Variants in ACOXL observed in about 807,000 individuals in gnomAD.
ACOXL encodes the protein acyl-coenzyme A oxidase-like protein.
ACOXL carries 70 observed loss-of-function variants against 71.9 expected under a neutral mutation model. That is an observed-to-expected ratio of 0.97 (90% CI 0.80 to 1.19). ACOXL has a LOEUF of 1.19. Among genes scored for constraint, ACOXL ranks in the 50% most tolerant of loss-of-function variants. The pLI is 0.00. For missense variants in ACOXL, 703 were observed against 736.3 expected (o/e 0.95, Z 0.52); for synonymous variants, 253 against 281.6 (o/e 0.90, Z 1.02).
intron 17 of ACOXL, among the ~76,000 whole-genome samples, chr2:111,098,132 C>G (rs1254154007): frequency 6.6e-6 from 1 of 152,218 alleles, no homozygotes. Context: ...ACACTTCCCT[C>G]TTCCCTGAAA....
Position 111,017,520 on chromosome 2 carries a change from G to A in ACOXL, c.1282-14107G>A, listed in dbSNP as rs539970023. 3.3e-5 allele frequency among the ~76,000 whole-genome samples: 5 copies of A among 152,324 alleles called. 1 individual carries two copies. The South Asian group carries it at 1.0e-3, about 32-fold the overall frequency. ...AAGTGGGGAGCAGTGGCCTTTATTG[G>A]GGAGGAGGCATTTAGAACCAAGCAT... On this transcript the variant is annotated intron_variant, in intron 14 of 17. Transcript: ENST00000439055.
chr2:111,013,408 C>T (rs2064260714), intron 14 of ACOXL, among the ~76,000 whole-genome samples: 1 of 150,976 alleles, frequency 6.6e-6, no homozygotes, highest in South Asian at 2.1e-4. Flanking sequence ...CCTGTAATCC[C>T]ACTGCTTGGG....
intron 5 of ACOXL, 21 bp from the exon 6 acceptor site, chr2:110,798,589 T>G (rs374936805): frequency 1.0e-5 from 16 of 1,592,268 alleles, no homozygotes; most frequent in East Asian, 2.2e-5. Flanking sequence ...GAAACACTGT[T>G]GCTCTGCTTT....
chr2:110,865,518 GA>G (rs1460983163), intron 10 of ACOXL, among the ~76,000 whole-genome samples: 1 of 152,228 alleles, frequency 6.6e-6, no homozygotes, highest in African/African-American at 2.4e-5. Context: ...AAGCCAATGA[GA>G]AGCAGCCAAC....
intron 3 of ACOXL, among the ~76,000 whole-genome samples, chr2:110,792,584 G>A (rs958761809): frequency 6.6e-6 from 1 of 152,120 alleles, no homozygotes; most frequent in Non-Finnish European, 1.5e-5. Context: ...GAGCTCAGTA[G>A]TTTGAGACCA....
At chr2:110,921,703 C>G (rs529599249) in intron 11 of ACOXL, among the ~76,000 whole-genome samples, 163 of 152,202 alleles carry the variant, frequency 1.1e-3, no homozygotes, top group Admixed American at 1.6e-3. Context: ...TTCCACCCCC[C>G]TCTCTTAAGG....
chr2:110,922,219 G>T lies in ACOXL; in HGVS notation c.906-11270G>T, dbSNP rs558280265. On this transcript the variant is annotated intron_variant, in intron 11 of 17. Coordinates refer to ENST00000439055, the MANE Select transcript of ACOXL (RefSeq NM_001142807.4). ...TCAAGTATTTTGAAAGTTTTTTTTGGTTGTTGTTTTGGTGCATACACATGC... is the reference window on the plus strand; with the variant it reads ...TCAAGTATTTTGAAAGTTTTTTTTGTTTGTTGTTTTGGTGCATACACATGC... 1.5e-4 allele frequency among the ~76,000 whole-genome samples: 23 copies of T among 151,866 alleles called. 1 individual carries two copies. The South Asian group carries it at 4.2e-3, about 28-fold the overall frequency.
chr2:110,886,711 C>T, intron 10 of ACOXL: 1 of 1,543,488 alleles, frequency 6.5e-7, no homozygotes. Flanking sequence ...AAGTTTCACC[C>T]TTTGACTGGA....
intron 15 of ACOXL, among the ~76,000 whole-genome samples, chr2:111,042,601 GT>G (rs2065836487): frequency 6.6e-6 from 1 of 152,214 alleles, no homozygotes; most frequent in African/African-American, 2.4e-5. Context: ...GGAGGAAGGT[GT>G]TTGGGAGAAA....
At chr2:111,074,481 A>AT (rs1423049932) in intron 16 of ACOXL, among the ~76,000 whole-genome samples, 19 of 152,072 alleles carry the variant, frequency 1.2e-4, no homozygotes, top group South Asian at 4.2e-4. Context: ...TTCCTAAGAG[A>AT]TTTTTTTAAA....
chr2:111,024,047 T>C (rs1258325750), intron 14 of ACOXL, among the ~76,000 whole-genome samples: 1 of 151,724 alleles, frequency 6.6e-6, no homozygotes, highest in Non-Finnish European at 1.5e-5. Context: ...GGAGGCAGAG[T>C]GTATCAGCTA....
intron 14 of ACOXL, among the ~76,000 whole-genome samples, chr2:110,998,839 T>C (rs1358722908): frequency 1.3e-5 from 2 of 152,244 alleles, no homozygotes; most frequent in African/African-American, 4.8e-5. Context: ...GTTTCAATCC[T>C]CCTAGTAAAA....
chr2:110,792,093 G>A (rs372849340), intron 3 of ACOXL, among the ~76,000 whole-genome samples: 6 of 152,286 alleles, frequency 3.9e-5, no homozygotes, highest in African/African-American at 1.4e-4. Context: ...TTAGCCTTGT[G>A]TCCTGGCTTC....
intron 16 of ACOXL, among the ~76,000 whole-genome samples, chr2:111,058,613 C>G (rs2066659189): frequency 6.6e-6 from 1 of 152,170 alleles, no homozygotes; most frequent in African/African-American, 2.4e-5. Flanking sequence ...TAGCTGCTTT[C>G]TTTTTGGCTA....
intron 10 of ACOXL, among the ~76,000 whole-genome samples, chr2:110,899,232 G>C (rs1207626529): frequency 6.6e-6 from 1 of 152,224 alleles, no homozygotes; most frequent in Admixed American, 6.5e-5. Context: ...AATTTCCATT[G>C]CCAAGAGCAG....
At chr2:110,965,828 A>G (rs1165269517) in intron 12 of ACOXL, among the ~76,000 whole-genome samples, 2 of 152,192 alleles carry the variant, frequency 1.3e-5, no homozygotes, top group African/African-American at 4.8e-5. Context: ...TGAAACAGCA[A>G]TAAGGTCTCT....
intron 12 of ACOXL, among the ~76,000 whole-genome samples, chr2:110,982,039 C>A (rs560514986): frequency 6.6e-6 from 1 of 152,184 alleles, no homozygotes; most frequent in Non-Finnish European, 1.5e-5. Flanking sequence ...CTCTTAAGTT[C>A]GATTGAATTG....
chr2:111,074,061 T>A lies in ACOXL; in HGVS notation c.1441-18804T>A, dbSNP rs78900502. On this transcript the variant is annotated intron_variant, in intron 16 of 17. Transcript: ENST00000439055. ...GTTGTATGTTGCTAGTATTTAGAAA[T>A]ATAATCAATGTTTTAATGTATTGAC... Among the ~76,000 whole-genome samples, 206 of 152,286 alleles carry A rather than the reference T, an allele frequency of 1.4e-3. 7 individuals carry two copies. In the East Asian group the frequency reaches 0.037, roughly 28 times the overall value.
chr2:111,089,347 T>C (rs2068399385), intron 16 of ACOXL, among the ~76,000 whole-genome samples: 1 of 152,166 alleles, frequency 6.6e-6, no homozygotes, highest in South Asian at 2.1e-4. Context: ...AAATTGATGA[T>C]GTGTCTTGAT....
Sources: gnomAD v4.1 joint callset for allele counts (sites outside exome capture counted in the v4.1 genomes callset) on GRCh38, gnomAD v4.1.1 for gene constraint, MANE v1.5 for transcripts, NCBI Gene and HGNC (gene_info 2026-07-23, HGNC 2026-07-21) for gene names.